TSTD2: variants seen among roughly 807,000 people sequenced by gnomAD.
TSTD2 encodes thiosulfate sulfurtransferase/rhodanese-like domain-containing protein 2.
Under a neutral mutation model 47.9 loss-of-function variants are expected in TSTD2, and 37 were observed. The ratio of observed to expected loss-of-function variants is 0.77; its 90% CI spans 0.59 to 1.02. The LOEUF is 1.02. Among genes scored for constraint, TSTD2 ranks in the 50% least tolerant of loss-of-function variants. The probability of loss-of-function intolerance (pLI) is 0.00; values close to 1 mark genes in which losing one functional copy is unlikely to be tolerated. For missense variants in TSTD2, 586 were observed against 616.0 expected (o/e 0.95, Z 0.52); for synonymous variants, 201 against 215.9 (o/e 0.93, Z 0.61).
At chr9:97,605,693 G>C in intron 7 of TSTD2, 52 bp from the exon 8 acceptor site, 2 of 1,610,666 alleles carry the variant, frequency 1.2e-6, no homozygotes, top group Non-Finnish European at 8.5e-7. Flanking sequence ...ATACCTGGTA[G>C]GAACAAAGGT....
In TSTD2 at chr9:97,602,551, C is replaced by A. The variant is rs149901043; in HGVS notation, c.1469G>T (p.Arg490Met). 101 of 1,614,220 alleles carry A rather than the reference C, an allele frequency of 6.3e-5. No homozygotes were observed. The highest frequency in any genetic ancestry group is 8.4e-5 in the Non-Finnish European group (99 of 1,180,032). Residue 490 changes from arginine (R) to methionine (M), a missense_variant, in exon 10 of 10, where the codon AGG becomes ATG. By Grantham distance (91) the Arg-to-Met change is moderately conservative. Transcript: ENST00000341170. ...ECTARRPRIPRELLQHVRQPV... is the reference protein window; with the variant it reads ...ECTARRPRIPMELLQHVRQPV... ...CTGTCGCACATGCTGCAAGAGTTCCCTAGGTATGCGTGGCCGTCGGGCTGT... is the reference window on the plus strand; with the variant it reads ...CTGTCGCACATGCTGCAAGAGTTCCATAGGTATGCGTGGCCGTCGGGCTGT...
intron 8 of TSTD2, 103 bp from the exon 9 acceptor site, chr9:97,604,968 C>A: frequency 6.6e-7 from 1 of 1,505,118 alleles, no homozygotes; most frequent in South Asian, 1.4e-5. Context: ...GTAGAGGACT[C>A]ATGGCCGCTG....
intron 4 of TSTD2, among the ~76,000 whole-genome samples, chr9:97,613,834 T>C (rs2131310459): frequency 6.7e-6 from 1 of 150,038 alleles, no homozygotes; most frequent in Non-Finnish European, 1.5e-5. Context: ...ATTCTTTTTT[T>C]TTTTTTTTTT....
At chr9:97,622,461 A>G (rs1564009881) in intron 3 of TSTD2, among the ~76,000 whole-genome samples, 1 of 152,242 alleles carries the variant, frequency 6.6e-6, no homozygotes, top group African/African-American at 2.4e-5. Context: ...AGGGCAGTGC[A>G]GAAGGGAAAT....
Position 97,617,766 on chromosome 9 carries a change from G to C in TSTD2, c.594C>G (p.Leu198=). 1.2e-6 allele frequency: 2 copies of C among 1,613,446 alleles called. No individual in the cohort carries two copies. Among genetic ancestry groups the C allele is most frequent in the Non-Finnish European group, 1.7e-6 (2 of 1,179,804 alleles). The change falls in exon 4 of 10, where the codon CTC becomes CTG. Residue 198 remains leucine (L), a synonymous_variant. Transcript: ENST00000341170. ...WQTALCQHLH[L]TGKIRIAAEG... is the part of the protein sequence containing the mutation. ...TAGGAGAAGGTGTTACCTTGCCTGT[G>C]AGGTGCAGGTGCTGACACAGAGCTG...
intron 8 of TSTD2, 33 bp from the exon 9 acceptor site, chr9:97,604,898 AGC>A: frequency 6.2e-7 from 1 of 1,611,278 alleles, no homozygotes; most frequent in Non-Finnish European, 8.5e-7. Context: ...AAATCTGAAG[AGC>A]CAGCAGAGAC....
chr9:97,608,493 G>C (rs964032250), intron 6 of TSTD2, among the ~76,000 whole-genome samples: 1 of 151,948 alleles, frequency 6.6e-6, no homozygotes, highest in African/African-American at 2.4e-5. Flanking sequence ...AAAATTACCC[G>C]GGTGTGGTGG....
At chr9:97,602,809 C>G in intron 9 of TSTD2, 42 bp from the exon 10 acceptor site, 14 of 1,554,090 alleles carry the variant, frequency 9.0e-6, no homozygotes, top group Non-Finnish European at 1.0e-5. Context: ...CACATACATT[C>G]ACACACACGT....
chr9:97,618,447 G>A (rs1191689874), intron 3 of TSTD2, among the ~76,000 whole-genome samples: 2 of 152,192 alleles, frequency 1.3e-5, no homozygotes, highest in Non-Finnish European at 2.9e-5. Context: ...AGCTAGGCAG[G>A]TCTTTCATCA....
At chr9:97,609,026 A>G (rs1826414729) in intron 6 of TSTD2, among the ~76,000 whole-genome samples, 1 of 145,332 alleles carries the variant, frequency 6.9e-6, no homozygotes, top group African/African-American at 2.9e-5. Flanking sequence ...TCAAGTCTCT[A>G]GTCCTGGTTG....
In TSTD2 at chr9:97,625,927, C is replaced by T; in HGVS notation, c.236G>A (p.Trp79Ter). The T allele has an allele frequency of 6.2e-7, 1 of 1,613,942 alleles. No homozygotes were observed. The highest frequency in any genetic ancestry group is 8.5e-7 in the Non-Finnish European group (1 of 1,179,932). The stretch of plus-strand genomic sequence containing the variant: ...TGTGAATAGCTGCCGACAGCATTTC[C>T]ACAATTTTTCTTTACATTCAAAACT... ...KRSFECKEKLWKCCRQLFTDQ... is the reference protein window; with the variant it reads ...KRSFECKEKL Residue 79 changes from tryptophan to a stop codon, truncating the protein, a stop_gained, in exon 3 of 10, where the codon TGG becomes TAG. Coordinates refer to ENST00000341170, the MANE Select transcript of TSTD2 (RefSeq NM_139246.5). LOFTEE classifies it high-confidence loss of function.
At position 97,600,540 on chromosome 9, in the gene TSTD2, G is replaced by A. The variant is rs1427303863; in HGVS notation, c.*1929C>T. Reference sequence around the variant, plus strand: ...AAACACCTTTCTATATTGCACAGTGGGCAAATGGCTTATGTGAGGTAAGAC... The same window carrying A: ...AAACACCTTTCTATATTGCACAGTGAGCAAATGGCTTATGTGAGGTAAGAC... On this transcript the variant is annotated 3_prime_UTR_variant, in exon 10 of 10. Transcript: ENST00000341170. 1.0e-6 allele frequency: 1 copy of A among 985,630 alleles called. No individual in the cohort carries two copies. The highest frequency in any genetic ancestry group is 1.2e-6 in the Non-Finnish European group (1 of 830,214). 61.1% of individuals were successfully genotyped at this position (985,630 alleles called of 1,614,324 possible). A position where few individuals can be genotyped will look rare whatever the true frequency, so the allele number is the denominator to read the frequency against.
rs148039962 is a variant in TSTD2 at position 97,622,893 on chromosome 9, T to A, written c.482+2788A>T. Among the ~76,000 whole-genome samples the A allele has an allele frequency of 2.8e-3, 432 of 152,344 alleles. 2 individuals carry two copies. The highest frequency in any genetic ancestry group is 0.01 in the African/African-American group (422 of 41,582). On this transcript the variant is annotated intron_variant, in intron 3 of 9. Coordinates refer to ENST00000341170, the MANE Select transcript of TSTD2 (RefSeq NM_139246.5). The stretch of plus-strand genomic sequence containing the variant: ...CCATTGTATCTAGGAAGTAACTAAC[T>A]TGCTTTTAACAGGCTCATAGGCAGA...
chr9:97,621,468 G>GC (rs1826634814), intron 3 of TSTD2, among the ~76,000 whole-genome samples: 2 of 152,214 alleles, frequency 1.3e-5, no homozygotes, highest in African/African-American at 2.4e-5. Context: ...TGCCTGCGGG[G>GC]CCGGGCAGAA....
intron 4 of TSTD2, among the ~76,000 whole-genome samples, chr9:97,616,671 C>G (rs1826547198): frequency 2.6e-5 from 4 of 152,182 alleles, no homozygotes; most frequent in Admixed American, 2.6e-4. Context: ...CTGATCAATT[C>G]AGACCTGGGT....
In TSTD2 at chr9:97,602,344, A is replaced by T; in HGVS notation, c.*125T>A. On this transcript the variant is annotated 3_prime_UTR_variant, in exon 10 of 10. Coordinates refer to ENST00000341170, the MANE Select transcript of TSTD2 (RefSeq NM_139246.5). ...CCGCTGTGAAGTGTAGACGGCTGCC[A>T]CGGTGGCAGCGGCCAGAACTGAAGT... The T allele has an allele frequency of 2.5e-6, 3 of 1,185,532 alleles. No homozygotes were observed. Among genetic ancestry groups the T allele is most frequent in the Non-Finnish European group, 3.5e-6 (3 of 868,406 alleles). The allele number at this position is 1,185,532 out of a possible 1,614,324, so 73.4% of individuals were successfully genotyped here.
At chr9:97,633,192 A>C in intron 1 of TSTD2, 51 bp downstream of exon 1, 1 of 153,872 alleles carries the variant, frequency 6.5e-6, no homozygotes, top group Non-Finnish European at 1.4e-5. Flanking sequence ...CTCTCCTCCC[A>C]CTTTTCCCAA....
At chr9:97,607,905 G>C (rs1826391481) in intron 6 of TSTD2, among the ~76,000 whole-genome samples, 1 of 151,938 alleles carries the variant, frequency 6.6e-6, no homozygotes, top group African/African-American at 2.4e-5. Context: ...GCCAGGCGTG[G>C]GTGAGGCAGC....
At chr9:97,619,164 G>T (rs1448362057) in intron 3 of TSTD2, among the ~76,000 whole-genome samples, 1 of 152,124 alleles carries the variant, frequency 6.6e-6, no homozygotes, top group East Asian at 1.9e-4. Context: ...CAATTTTAGA[G>T]GTGAGGAAAT....
Sources: allele counts gnomAD v4.1 joint callset (sites outside exome capture counted in the v4.1 genomes callset), GRCh38; gene constraint gnomAD v4.1.1; transcripts MANE v1.5; gene names NCBI Gene and HGNC (gene_info 2026-07-23, HGNC 2026-07-21).